The following PLCXD2 variants were observed in gnomAD, a reference collection of about 807,000 sequenced individuals.
PLCXD2 encodes the protein phosphatidylinositol specific phospholipase C X domain containing 2.
A neutral mutation model predicts 28.6 loss-of-function variants in PLCXD2; 21 were observed. That is an observed-to-expected ratio of 0.73 (90% CI 0.52 to 1.06). The LOEUF is 1.06. PLCXD2 is among the 50% of genes least tolerant of loss of function. The probability of loss-of-function intolerance (pLI) is 0.00; values close to 1 mark genes in which losing one functional copy is unlikely to be tolerated. For missense variants in PLCXD2, 369 were observed against 376.7 expected, an observed-to-expected ratio of 0.98 and a Z score of 0.17; for synonymous variants, 140 against 150.1, an observed-to-expected ratio of 0.93 and a Z score of 0.49.
chr3:111,703,181 TCTGTC>T (rs891233684), intron 1 of PLCXD2, among the ~76,000 whole-genome samples: 2 of 152,310 alleles, frequency 1.3e-5, no homozygotes, highest in South Asian at 4.1e-4. Context: ...GCTTCATTGT[TCTGTC>T]CTGTCCTGTC....
intron 1 of PLCXD2, among the ~76,000 whole-genome samples, chr3:111,693,921 G>C (rs1940924316): frequency 6.6e-6 from 1 of 152,240 alleles, no homozygotes; most frequent in Non-Finnish European, 1.5e-5. Flanking sequence ...CCACAGAGCA[G>C]AGCCCCTTGA....
Position 111,676,995 on chromosome 3 carries a change from A to C in PLCXD2, c.163+1587A>C, listed in dbSNP as rs763814475. 3 of 152,244 alleles carry C rather than the reference A, an allele frequency of 2.0e-5. No individual in the cohort carries two copies. In the East Asian group the frequency reaches 5.8e-4, roughly 29 times the overall value. The allele number at this position is 152,244 out of a possible 1,614,324, so 9.4% of individuals were successfully genotyped here. On this transcript the variant is annotated intron_variant, in intron 1 of 4. Transcript: ENST00000477665. ...GAGTTGGGCATTTGTTCTGTGATTC[A>C]TAGGATATCTCACAGTTACTAGAAT...
chr3:111,718,389 C>T (rs373715046), intron 3 of PLCXD2, among the ~76,000 whole-genome samples: 1 of 151,776 alleles, frequency 6.6e-6, no homozygotes, highest in South Asian at 2.1e-4. Flanking sequence ...GGCGTGAACC[C>T]GGGAGACGGA....
intron 3 of PLCXD2, chr3:111,726,073 C>A: frequency 7.7e-6 from 3 of 391,204 alleles, no homozygotes; most frequent in Non-Finnish European, 1.4e-5. Flanking sequence ...GAGCCCAGAA[C>A]TTGGGACCAA....
At chr3:111,692,529 G>A (rs1310469843) in intron 1 of PLCXD2, 3 of 152,202 alleles carry the variant, frequency 2.0e-5, no homozygotes, top group Non-Finnish European at 2.9e-5. Context: ...CTCTCTCAAA[G>A]GTAACACCTG....
At chr3:111,692,735 A>G (rs914758044) in intron 1 of PLCXD2, among the ~76,000 whole-genome samples, 1 of 152,234 alleles carries the variant, frequency 6.6e-6, no homozygotes, top group African/African-American at 2.4e-5. Flanking sequence ...AACTTCCTTC[A>G]ACTCTTCATG....
intron 1 of PLCXD2, among the ~76,000 whole-genome samples, chr3:111,685,398 G>A (rs891814268): frequency 6.6e-6 from 1 of 152,122 alleles, no homozygotes; most frequent in Admixed American, 6.5e-5. Context: ...GAGTGTAGGA[G>A]TTAGCTTGTG....
intron 3 of PLCXD2, among the ~76,000 whole-genome samples, chr3:111,719,969 G>T (rs1395260816): frequency 2.0e-5 from 3 of 152,192 alleles, no homozygotes; most frequent in Non-Finnish European, 4.4e-5. Flanking sequence ...AGTACTTAGG[G>T]AATGTGTATA....
chr3:111,674,836 G>A lies in PLCXD2; in HGVS notation c.-410G>A, dbSNP rs1004684433. The A allele has an allele frequency of 6.1e-6, 1 of 165,210 alleles. No homozygotes were observed. The highest frequency in any genetic ancestry group is 1.7e-4 in the South Asian group (1 of 6,040). The allele number at this position is 165,210 out of a possible 1,614,324, so 10.2% of individuals were successfully genotyped here. A position where few individuals can be genotyped will look rare whatever the true frequency, so the allele number is the denominator to read the frequency against. On this transcript the variant is annotated 5_prime_UTR_variant, in exon 1 of 5. Transcript: ENST00000477665. ...TAGAAACATAAATCAGGCTAGAGCC[G>A]GCGCGCCCGGGCGCGCACCTGTGTA... is the stretch of plus-strand genomic sequence containing the variant.
At chr3:111,677,518 G>A (rs1165484512) in intron 1 of PLCXD2, 1 of 152,142 alleles carries the variant, frequency 6.6e-6, no homozygotes, top group Admixed American at 6.5e-5. Flanking sequence ...TACCACGCAG[G>A]ACCCATTGGC....
chr3:111,697,747 T>C (rs2107852754), intron 1 of PLCXD2, among the ~76,000 whole-genome samples: 1 of 152,308 alleles, frequency 6.6e-6, no homozygotes, highest in Middle Eastern at 3.4e-3. Context: ...TCCATAAAAA[T>C]CACTTGATGA....
chr3:111,711,257 A>C (rs987277376), intron 2 of PLCXD2, among the ~76,000 whole-genome samples: 2 of 152,160 alleles, frequency 1.3e-5, no homozygotes, highest in East Asian at 3.9e-4. Flanking sequence ...TACAAAAATT[A>C]GCTGGGCATG....
intron 1 of PLCXD2, among the ~76,000 whole-genome samples, chr3:111,705,280 T>A (rs1012322888): frequency 6.6e-6 from 1 of 152,220 alleles, no homozygotes; most frequent in Non-Finnish European, 1.5e-5. Flanking sequence ...TTTCTGTGCC[T>A]GACTTATTTT....
At chr3:111,681,799 T>C (rs1513331) in intron 1 of PLCXD2, among the ~76,000 whole-genome samples, 19,241 of 152,266 alleles carry the variant, frequency 0.13, 1,521 homozygotes, top group East Asian at 0.33. Flanking sequence ...AGTTGGTTTC[T>C]AACACGTGAT....
chr3:111,676,210 G>A (rs1237199039), intron 1 of PLCXD2, among the ~76,000 whole-genome samples: 1 of 152,222 alleles, frequency 6.6e-6, no homozygotes, highest in Admixed American at 6.5e-5. Flanking sequence ...TTGGCCTGGT[G>A]TGCTGAGCAA....
chr3:111,723,616 C>G (rs1201276760), intron 3 of PLCXD2: 2 of 152,166 alleles, frequency 1.3e-5, no homozygotes, highest in Admixed American at 1.3e-4. Context: ...TTACAATTTT[C>G]CCTTGATAAA....
chr3:111,717,685 C>T (rs1941286726), intron 3 of PLCXD2, among the ~76,000 whole-genome samples: 1 of 152,160 alleles, frequency 6.6e-6, no homozygotes, highest in African/African-American at 2.4e-5. Context: ...ACTGGAGTTA[C>T]AAGCCTTTAA....
At chr3:111,713,078 G>A (rs12107750) in intron 2 of PLCXD2, among the ~76,000 whole-genome samples, 347 of 152,286 alleles carry the variant, frequency 2.3e-3, no homozygotes, top group African/African-American at 7.9e-3. Flanking sequence ...ACACACGATT[G>A]AAAGTCTATT....
At chr3:111,683,980 G>A (rs938978303) in intron 1 of PLCXD2, among the ~76,000 whole-genome samples, 1 of 152,096 alleles carries the variant, frequency 6.6e-6, no homozygotes, top group Non-Finnish European at 1.5e-5. Flanking sequence ...TGGTTGTACT[G>A]TGGGTTGCAA....
Sources: allele counts gnomAD v4.1 joint callset (sites outside exome capture counted in the v4.1 genomes callset), GRCh38; gene constraint gnomAD v4.1.1; transcripts MANE v1.5; gene names NCBI Gene and HGNC (gene_info 2026-07-23, HGNC 2026-07-21).